Variants in RANBP17 observed in about 807,000 individuals in gnomAD.
The protein encoded by RANBP17 is ran-binding protein 17.
A neutral mutation model predicts 141.2 loss-of-function variants in RANBP17; 158 were observed. That is an observed-to-expected ratio of 1.12 (90% CI 0.98 to 1.28). The LOEUF is 1.28. Among genes scored for constraint, RANBP17 ranks in the 50% most tolerant of loss-of-function variants. The probability of loss-of-function intolerance (pLI) is 0.00; values close to 1 mark genes in which losing one functional copy is unlikely to be tolerated. For synonymous variants in RANBP17, 430 were observed against 450.0 expected (o/e 0.96, Z 0.56); for missense variants, 1,438 against 1,290.7 (o/e 1.11, Z -1.75).
chr5:171,119,868 C>T (rs548445775), intron 14 of RANBP17, among the ~76,000 whole-genome samples: 4 of 151,852 alleles, frequency 2.6e-5, no homozygotes, highest in South Asian at 2.1e-4. Flanking sequence ...GGAGAAACCC[C>T]GTCTCTACTA....
chr5:171,183,457 A>AAT (rs748327739), intron 18 of RANBP17, 27 bp downstream of exon 18: 1 of 1,450,194 alleles, frequency 6.9e-7, no homozygotes, highest in Non-Finnish European at 9.7e-7. Flanking sequence ...AAACTCAATT[A>AAT]ATAAGGGATC....
intron 1 of RANBP17, among the ~76,000 whole-genome samples, chr5:170,864,699 C>T (rs774063985): frequency 6.6e-6 from 1 of 152,144 alleles, no homozygotes; most frequent in Non-Finnish European, 1.5e-5. Context: ...ATTTAAGGGA[C>T]TCAGTTGATC....
At chr5:171,040,804 G>A (rs777856683) in intron 14 of RANBP17, among the ~76,000 whole-genome samples, 2 of 152,132 alleles carry the variant, frequency 1.3e-5, no homozygotes, top group Admixed American at 1.3e-4. Context: ...ATTCTTCCTC[G>A]CTGCATTCTG....
At chr5:171,174,739 A>G (rs899897666) in intron 16 of RANBP17, among the ~76,000 whole-genome samples, 2 of 144,428 alleles carry the variant, frequency 1.4e-5, no homozygotes, top group Non-Finnish European at 3.0e-5. Flanking sequence ...TGAGAAAACT[A>G]AAAATATCTA....
chr5:171,006,513 C>G (rs553921996), intron 14 of RANBP17, among the ~76,000 whole-genome samples: 39 of 152,142 alleles, frequency 2.6e-4, no homozygotes, highest in African/African-American at 7.5e-4. Context: ...ACCAAACACT[C>G]CACGTTCTCA....
At chr5:171,175,827 A>G (rs1231206790) in intron 16 of RANBP17, among the ~76,000 whole-genome samples, 1 of 151,062 alleles carries the variant, frequency 6.6e-6, no homozygotes, top group Non-Finnish European at 1.5e-5. Flanking sequence ...CCTTATGGAT[A>G]CTGTTAACCG....
chr5:171,105,723 G>GA (rs34497482), intron 14 of RANBP17, among the ~76,000 whole-genome samples: 96,521 of 148,794 alleles, frequency 0.65, 31,837 homozygotes, highest in South Asian at 0.89. Context: ...GTCTCAAAAA[G>GA]AAAAAAAAAA....
At chr5:171,220,775 C>G (rs1763510419) in intron 21 of RANBP17, among the ~76,000 whole-genome samples, 2 of 152,164 alleles carry the variant, frequency 1.3e-5, no homozygotes, top group Non-Finnish European at 2.9e-5. Flanking sequence ...GCACAATTGT[C>G]CTAAGAATTA....
chr5:170,981,533 A>G (rs1268286214), intron 14 of RANBP17, among the ~76,000 whole-genome samples: 3 of 151,644 alleles, frequency 2.0e-5, no homozygotes, highest in Non-Finnish European at 4.4e-5. Flanking sequence ...ATGGTTATTA[A>G]AAGGGGGAGT....
At chr5:171,271,429 C>T in intron 25 of RANBP17, 1 of 209,226 alleles carries the variant, frequency 4.8e-6, no homozygotes. Flanking sequence ...GGAGAAAATG[C>T]AGTCGCATAT....
chr5:171,046,783 T>G (rs1782616245), intron 14 of RANBP17, among the ~76,000 whole-genome samples: 1 of 152,158 alleles, frequency 6.6e-6, no homozygotes, highest in Non-Finnish European at 1.5e-5. Flanking sequence ...TCCATTATCT[T>G]GCCATCAATG....
chr5:170,985,124 T>C (rs1349954142), intron 14 of RANBP17, among the ~76,000 whole-genome samples: 1 of 149,586 alleles, frequency 6.7e-6, no homozygotes, highest in Non-Finnish European at 1.5e-5. Context: ...AACACATACA[T>C]ACACAAACAC....
intron 13 of RANBP17, 79 bp from the exon 14 acceptor site, chr5:170,968,159 TATTA>T (rs1221167266): frequency 1.0e-6 from 1 of 980,708 alleles, no homozygotes; most frequent in Non-Finnish European, 1.5e-6. Flanking sequence ...TTATATGTTA[TATTA>T]CATTTATGGT....
chr5:171,096,803 G>A (rs2441018), intron 14 of RANBP17, among the ~76,000 whole-genome samples: 89,770 of 151,906 alleles, frequency 0.59, 28,619 homozygotes, highest in South Asian at 0.88. Context: ...TGAAGATCTG[G>A]TATGTACTTT....
chr5:170,934,883 G>A (rs188386334), intron 12 of RANBP17, among the ~76,000 whole-genome samples: 241 of 152,272 alleles, frequency 1.6e-3, no homozygotes, highest in African/African-American at 4.9e-3. Flanking sequence ...TCTCCTGGAT[G>A]ATATCCTGAA....
chr5:171,140,973 G>A (rs1009291465), intron 14 of RANBP17, among the ~76,000 whole-genome samples: 2 of 152,122 alleles, frequency 1.3e-5, no homozygotes, highest in African/African-American at 4.8e-5. Flanking sequence ...TTAATGAAAA[G>A]CAGAAACTAT....
intron 14 of RANBP17, among the ~76,000 whole-genome samples, chr5:171,100,454 T>C (rs990608654): frequency 6.6e-6 from 1 of 152,210 alleles, no homozygotes. Context: ...ATATCCCCTT[T>C]ATCATTTTTT....
chr5:170,992,098 G>A (rs923607666), intron 14 of RANBP17, among the ~76,000 whole-genome samples: 5 of 151,974 alleles, frequency 3.3e-5, no homozygotes, highest in African/African-American at 1.2e-4. Flanking sequence ...ACAAAAGTGT[G>A]ACTTCTGGCC....
chr5:171,087,192 T>A (rs1395561713), intron 14 of RANBP17, among the ~76,000 whole-genome samples: 5 of 151,076 alleles, frequency 3.3e-5, no homozygotes, highest in Non-Finnish European at 7.4e-5. Context: ...TCAAAGAACA[T>A]CTTTATTTCT....
Sources: gnomAD v4.1 joint callset for allele counts (sites outside exome capture counted in the v4.1 genomes callset) on GRCh38, gnomAD v4.1.1 for gene constraint, MANE v1.5 for transcripts, NCBI Gene and HGNC (gene_info 2026-07-23, HGNC 2026-07-21) for gene names.